OLA1: variants seen among roughly 807,000 people sequenced by gnomAD.
The protein encoded by OLA1 is obg-like ATPase 1.
Under a neutral mutation model 48.4 loss-of-function variants are expected in OLA1, and 14 were observed. The ratio of observed to expected loss-of-function variants is 0.29; its 90% CI spans 0.19 to 0.45. The LOEUF (loss-of-function observed/expected upper bound fraction) is 0.45. Ranked by LOEUF, OLA1 falls within the 20% of genes least tolerant of loss-of-function variation. The pLI, the probability that OLA1 is intolerant of heterozygous loss-of-function variation, is 1.00. For missense variants in OLA1, 325 were observed against 467.1 expected, an observed-to-expected ratio of 0.70 and a Z score of 2.80; for synonymous variants, 127 against 150.4, an observed-to-expected ratio of 0.84 and a Z score of 1.14.
rs919454581 is a variant in OLA1, at chr2:174,214,007, CA to C, written c.373+9025del. Among the ~76,000 whole-genome samples, 27 of 144,004 alleles carry C rather than the reference CA, an allele frequency of 1.9e-4. 1 individual carries two copies. Among genetic ancestry groups the C allele is most frequent in the African/African-American group, 3.3e-4 (13 of 39,262 alleles). The allele number at this position is 144,004 out of a possible 152,430, so 94.5% of individuals were successfully genotyped here. A position where few individuals can be genotyped will look rare whatever the true frequency, so the allele number is the denominator to read the frequency against. ...GTTGAAATTTAAAACCTACTTTCAC[CA>C]AAAAAAAAACCCAACAATGCATCAT... On this transcript the variant is annotated intron_variant, in intron 4 of 10. Coordinates refer to ENST00000284719, the MANE Select transcript of OLA1 (RefSeq NM_013341.5).
chr2:174,136,864 A>T (rs1686322863), intron 5 of OLA1, among the ~76,000 whole-genome samples: 1 of 151,662 alleles, frequency 6.6e-6, no homozygotes, highest in African/African-American at 2.4e-5. Context: ...TTCAGTAGAG[A>T]CAGGGTTTCA....
Position 174,079,078 on chromosome 2 carries a change from C to T in OLA1, c.979G>A (p.Ala327Thr). The T allele has an allele frequency of 1.3e-6, 2 of 1,591,322 alleles. No individual in the cohort carries two copies. Among genetic ancestry groups the T allele is most frequent in the Non-Finnish European group, 1.7e-6 (2 of 1,170,724 alleles). The change falls in exon 10 of 11, where the codon GCT (alanine) becomes ACT (threonine). Residue 327 changes from alanine (A) to threonine (T), a missense_variant. Physicochemically the swap from Ala to Thr is moderately conservative, Grantham distance 58. Coordinates refer to ENST00000284719, the MANE Select transcript of OLA1 (RefSeq NM_013341.5). ...RAWTIRKGTK[A>T]PQAAGKIHTD... ...TGAATCTTTCCTGCAGCCTGAGGAG[C>T]CTTAGTCCCTTTCTTTGAAAAGAAA...
intron 2 of OLA1, among the ~76,000 whole-genome samples, chr2:174,231,531 G>A (rs940789306): frequency 3.3e-5 from 5 of 151,854 alleles, no homozygotes; most frequent in African/African-American, 7.3e-5. Flanking sequence ...ATTTTATATC[G>A]TCTACCTGGA....
chr2:174,076,633 A>C (rs1271355143), intron 10 of OLA1, among the ~76,000 whole-genome samples: 2 of 152,132 alleles, frequency 1.3e-5, no homozygotes, highest in Non-Finnish European at 2.9e-5. Flanking sequence ...CATATTTTCA[A>C]TTATCTAGAC....
chr2:174,097,731 A>AAAAAAAAAAAAG (rs1444150328), intron 7 of OLA1, among the ~76,000 whole-genome samples: 3 of 136,706 alleles, frequency 2.2e-5, no homozygotes, highest in African/African-American at 8.4e-5. Context: ...TCAAAAAAAG[A>AAAAAAAAAAAAG]AAAAAAAAAA....
intron 7 of OLA1, among the ~76,000 whole-genome samples, chr2:174,106,650 CTAG>C (rs1460544894): frequency 6.6e-6 from 1 of 152,066 alleles, no homozygotes; most frequent in African/African-American, 2.4e-5. Flanking sequence ...TGATTGGAGC[CTAG>C]TAGATTACAT....
chr2:174,097,392 C>T (rs1216862793), intron 7 of OLA1, among the ~76,000 whole-genome samples: 1 of 151,832 alleles, frequency 6.6e-6, no homozygotes, highest in Non-Finnish European at 1.5e-5. Flanking sequence ...ATTTAATAGT[C>T]TTTTCAGTGA....
rs564442481 is a variant in OLA1 at position 174,182,565 on chromosome 2, ATC to A, written c.373+40466_373+40467del. 5.3e-3 allele frequency among the ~76,000 whole-genome samples: 812 copies of A among 152,252 alleles called. 7 individuals carry two copies. Among genetic ancestry groups the A allele is most frequent in the Admixed American group, 0.011 (171 of 15,282 alleles). On this transcript the variant is annotated intron_variant, in intron 4 of 10. Transcript: ENST00000284719. ...ATAAAAATAAAAATGAAATTAAAAAATCTCTTTCAATTTCTGTGAGGTATAAA... is the reference window on the plus strand; with the variant it reads ...ATAAAAATAAAAATGAAATTAAAAAATCTTTCAATTTCTGTGAGGTATAAA...
At chr2:174,139,880 AG>A (rs59583286) in intron 5 of OLA1, among the ~76,000 whole-genome samples, 31,957 of 132,332 alleles carry the variant, frequency 0.24, 4,293 homozygotes, top group Non-Finnish European at 0.31. Flanking sequence ...AAAAAAAAAA[AG>A]AAAGAAAGAA....
chr2:174,133,642 G>C (rs974062726), intron 5 of OLA1, among the ~76,000 whole-genome samples: 2 of 152,198 alleles, frequency 1.3e-5, no homozygotes, highest in African/African-American at 4.8e-5. Context: ...ACTGCACCAG[G>C]CTGACATACA....
intron 4 of OLA1, among the ~76,000 whole-genome samples, chr2:174,200,923 A>G (rs577841370): frequency 6.6e-6 from 1 of 152,356 alleles, no homozygotes; most frequent in East Asian, 1.9e-4. Flanking sequence ...ACTAATCAAT[A>G]GTAAGCATCT....
chr2:174,084,030 T>C (rs544407981), intron 7 of OLA1, among the ~76,000 whole-genome samples: 58 of 152,348 alleles, frequency 3.8e-4, no homozygotes, highest in African/African-American at 1.3e-3. Flanking sequence ...AGGTGTTCTA[T>C]TGTACAATTC....
intron 4 of OLA1, among the ~76,000 whole-genome samples, chr2:174,158,536 A>G (rs1158353504): frequency 6.6e-6 from 1 of 152,144 alleles, no homozygotes; most frequent in East Asian, 1.9e-4. Context: ...AAAATCATAA[A>G]TAAGAATGCA....
intron 4 of OLA1, among the ~76,000 whole-genome samples, chr2:174,217,153 T>C (rs886917227): frequency 6.6e-6 from 1 of 152,178 alleles, no homozygotes; most frequent in Non-Finnish European, 1.5e-5. Context: ...AGAGAAATAA[T>C]TTCACTACAA....
At chr2:174,144,930 T>TTAA (rs1419953706) in intron 4 of OLA1, among the ~76,000 whole-genome samples, 132 of 41,036 alleles carry the variant, frequency 3.2e-3, no homozygotes, top group African/African-American at 0.014. Flanking sequence ...AGACCCTGTT[T>TTAA]AAAAAAAAAA....
chr2:174,161,959 A>G (rs1439892974), intron 4 of OLA1, among the ~76,000 whole-genome samples: 1 of 152,178 alleles, frequency 6.6e-6, no homozygotes, highest in Non-Finnish European at 1.5e-5. Context: ...AGGAGTTTAC[A>G]GTCTAGTAGG....
intron 7 of OLA1, among the ~76,000 whole-genome samples, chr2:174,092,887 T>C (rs1449706463): frequency 1.3e-5 from 2 of 152,198 alleles, no homozygotes; most frequent in Admixed American, 6.5e-5. Context: ...GTTATTTTCA[T>C]TCCCAGGTTA....
At chr2:174,199,429 T>C (rs1363065575) in intron 4 of OLA1, among the ~76,000 whole-genome samples, 2 of 152,284 alleles carry the variant, frequency 1.3e-5, no homozygotes, top group Non-Finnish European at 2.9e-5. Context: ...CAAGTGTTAA[T>C]AAGACCTGGC....
intron 4 of OLA1, among the ~76,000 whole-genome samples, chr2:174,154,391 C>T (rs1383105409): frequency 2.6e-5 from 4 of 152,136 alleles, no homozygotes; most frequent in African/African-American, 7.2e-5. Context: ...TCAGCTCAAG[C>T]CAAACTCTTG....
Sources: gnomAD v4.1 joint callset for allele counts (sites outside exome capture counted in the v4.1 genomes callset) on GRCh38, gnomAD v4.1.1 for gene constraint, MANE v1.5 for transcripts, NCBI Gene and HGNC (gene_info 2026-07-23, HGNC 2026-07-21) for gene names.